Variants in NT5DC1 observed in about 807,000 individuals in gnomAD.
NT5DC1 encodes the protein 5'-nucleotidase domain-containing protein 1.
In NT5DC1, 42 loss-of-function variants were observed where a neutral mutation model predicts 59.4. The ratio of observed to expected loss-of-function variants is 0.71; its 90% CI spans 0.55 to 0.92. The LOEUF (loss-of-function observed/expected upper bound fraction) is 0.92. Among genes scored for constraint, NT5DC1 ranks in the 40% least tolerant of loss-of-function variants. NT5DC1 has a pLI of 0.00. For synonymous variants in NT5DC1, 172 were observed against 188.1 expected, an observed-to-expected ratio of 0.91 and a Z score of 0.70; for missense variants, 501 against 537.1, an observed-to-expected ratio of 0.93 and a Z score of 0.66.
intron 6 of NT5DC1, among the ~76,000 whole-genome samples, chr6:116,170,124 T>C (rs1038911143): frequency 5.3e-5 from 8 of 152,034 alleles, no homozygotes; most frequent in Admixed American, 5.2e-4. Context: ...AAGGGGAAAT[T>C]AGGAAGTGGA....
chr6:116,139,977 T>G (rs1291427490), intron 6 of NT5DC1, among the ~76,000 whole-genome samples: 1 of 152,152 alleles, frequency 6.6e-6, no homozygotes, highest in African/African-American at 2.4e-5. Context: ...GTCAGGTGTT[T>G]TGCTTTTCTT....
At position 116,239,127 on chromosome 6, in the gene NT5DC1, AG is replaced by A; in HGVS notation, c.1252+9del. ...CCAAGTATTGAAGCAATCGCAGGTA[AG>A]GGGGAAAATACCTATAAAGCTTCAC... On this transcript the variant is annotated splice_donor_5th_base_variant and intron_variant, in intron 11 of 11. Coordinates refer to ENST00000319550, the MANE Select transcript of NT5DC1 (RefSeq NM_152729.3). 6.2e-7 allele frequency: 1 copy of A among 1,603,094 alleles called. No homozygotes were observed. Among genetic ancestry groups the A allele is most frequent in the South Asian group, 1.1e-5 (1 of 89,978 alleles).
chr6:116,163,137 A>ATACATATAT (rs1554197055), intron 6 of NT5DC1, among the ~76,000 whole-genome samples: 1 of 105,420 alleles, frequency 9.5e-6, no homozygotes, highest in East Asian at 2.7e-4. Flanking sequence ...AAAAAAAAAA[A>ATACATATAT]AAAAATATAT....
At chr6:116,185,484 T>C (rs556366924) in intron 6 of NT5DC1, among the ~76,000 whole-genome samples, 1 of 152,220 alleles carries the variant, frequency 6.6e-6, no homozygotes, top group African/African-American at 2.4e-5. Context: ...ACTATTATTG[T>C]GTTGCTGTTG....
At chr6:116,191,301 C>T (rs1478356766) in intron 6 of NT5DC1, among the ~76,000 whole-genome samples, 1 of 152,004 alleles carries the variant, frequency 6.6e-6, no homozygotes, top group East Asian at 1.9e-4. Context: ...CAAGGAAGAG[C>T]ATCTGAGGTC....
intron 6 of NT5DC1, among the ~76,000 whole-genome samples, chr6:116,155,094 G>A (rs749940474): frequency 3.3e-5 from 5 of 152,104 alleles, no homozygotes; most frequent in Non-Finnish European, 7.4e-5. Flanking sequence ...AAGTAATTGC[G>A]GTTTTTGCCA....
chr6:116,135,879 A>ATGTATGTATATATATATATATATG, intron 6 of NT5DC1, among the ~76,000 whole-genome samples: 1 of 146,202 alleles, frequency 6.8e-6, no homozygotes. Context: ...ATATACACAC[A>ATGTATGTATATATATATATATATG]TACACACACA....
intron 6 of NT5DC1, among the ~76,000 whole-genome samples, chr6:116,155,398 T>A (rs1780161588): frequency 6.6e-6 from 1 of 152,138 alleles, no homozygotes; most frequent in South Asian, 2.1e-4. Flanking sequence ...AACACAAACA[T>A]CTCTTTTGGA....
At chr6:116,229,795 CTCTCTCTCTCTG>C (rs1249056896) in intron 8 of NT5DC1, among the ~76,000 whole-genome samples, 3 of 151,342 alleles carry the variant, frequency 2.0e-5, no homozygotes, top group African/African-American at 7.3e-5. Context: ...TGTCTCTCCT[CTCTCTCTCTCTG>C]TCTCGTCCCT....
chr6:116,145,960 C>T (rs922771053), intron 6 of NT5DC1, among the ~76,000 whole-genome samples: 1 of 152,168 alleles, frequency 6.6e-6, no homozygotes, highest in African/African-American at 2.4e-5. Context: ...AGTGTTTGTA[C>T]AGAGCACTGT....
At chr6:116,182,380 C>G (rs1780903260) in intron 6 of NT5DC1, among the ~76,000 whole-genome samples, 2 of 151,936 alleles carry the variant, frequency 1.3e-5, no homozygotes, top group Admixed American at 6.6e-5. Flanking sequence ...ATAATGACTT[C>G]TTTTCCTCTG....
intron 6 of NT5DC1, among the ~76,000 whole-genome samples, chr6:116,148,722 G>A (rs1779958605): frequency 6.6e-6 from 1 of 152,064 alleles, no homozygotes; most frequent in Non-Finnish European, 1.5e-5. Flanking sequence ...CTTTCTCTAT[G>A]AGAGATAAGT....
Position 116,106,343 on chromosome 6 carries a change from CTTTTTTTT to C in NT5DC1, c.185+20_185+27del. On this transcript the variant is annotated intron_variant, in intron 2 of 11. Coordinates refer to ENST00000319550, the MANE Select transcript of NT5DC1 (RefSeq NM_152729.3). Reference sequence around the variant, plus strand: ...AGAGGATTGGGATTTCTGGTAAGTTCTTTTTTTTTTTTTTTTTTTAAGTCTGTACATTT... The same window carrying C: ...AGAGGATTGGGATTTCTGGTAAGTTCTTTTTTTTTTTAAGTCTGTACATTT... 4 of 779,420 alleles carry C rather than the reference CTTTTTTTT, an allele frequency of 5.1e-6. No individual in the cohort carries two copies. The highest frequency in any genetic ancestry group is 6.2e-6 in the Non-Finnish European group (3 of 486,688). 48.3% of individuals were successfully genotyped at this position (779,420 alleles called of 1,614,324 possible). A position where few individuals can be genotyped will look rare whatever the true frequency, so the allele number is the denominator to read the frequency against.
intron 8 of NT5DC1, among the ~76,000 whole-genome samples, chr6:116,230,969 T>G (rs1782006591): frequency 6.6e-6 from 1 of 151,806 alleles, no homozygotes. Context: ...TAGCTGGGCG[T>G]GGTGGCAGGT....
At chr6:116,101,161 A>G in intron 1 of NT5DC1, 138 bp downstream of exon 1, 1 of 615,714 alleles carries the variant, frequency 1.6e-6, no homozygotes, top group Non-Finnish European at 2.7e-6. Context: ...CGCGGCCTCC[A>G]GCGGCGAGAA....
intron 2 of NT5DC1, 61 bp from the exon 3 acceptor site, chr6:116,108,303 T>A: frequency 9.9e-7 from 1 of 1,012,882 alleles, no homozygotes; most frequent in South Asian, 1.3e-5. Context: ...AAATATAGGT[T>A]GTTATTTCTT....
rs542358740 is a variant in NT5DC1, at chr6:116,200,191, A to G, written c.530-20863A>G. Among the ~76,000 whole-genome samples, 3 of 152,112 alleles carry G rather than the reference A, an allele frequency of 2.0e-5. No homozygotes were observed. In the South Asian group the frequency reaches 6.2e-4, roughly 32 times the overall value. ...TAATGAAAAAGTCAGACAAATCCCA[A>G]TTGAAGGACATTCTACAAAATATCT... On this transcript the variant is annotated intron_variant, in intron 6 of 11. Transcript: ENST00000319550.
intron 6 of NT5DC1, among the ~76,000 whole-genome samples, chr6:116,129,744 C>T (rs1473861628): frequency 6.6e-6 from 1 of 152,180 alleles, no homozygotes; most frequent in African/African-American, 2.4e-5. Context: ...AAACCTGTTA[C>T]TCTAGGTGTC....
intron 6 of NT5DC1, among the ~76,000 whole-genome samples, chr6:116,136,283 G>A (rs1486785867): frequency 1.3e-5 from 2 of 151,858 alleles, no homozygotes; most frequent in Non-Finnish European, 2.9e-5. Flanking sequence ...CTTTTTTAAG[G>A]CTGAATAATA....
Sources: allele counts gnomAD v4.1 joint callset (sites outside exome capture counted in the v4.1 genomes callset), GRCh38; gene constraint gnomAD v4.1.1; transcripts MANE v1.5; gene names NCBI Gene and HGNC (gene_info 2026-07-23, HGNC 2026-07-21).